Variants in DTNBP1 observed in about 807,000 individuals in gnomAD.
DTNBP1 encodes dysbindin.
Under a neutral mutation model 42.8 loss-of-function variants are expected in DTNBP1, and 35 were observed. The observed-to-expected ratio is 0.82, with a 90% CI of 0.63 to 1.09. The LOEUF is 1.09. DTNBP1 is among the 50% of genes least tolerant of loss of function. The pLI, the probability that DTNBP1 is intolerant of heterozygous loss-of-function variation, is 0.00. For synonymous variants in DTNBP1, 171 were observed against 162.2 expected (o/e 1.05, Z -0.41); for missense variants, 457 against 424.2 (o/e 1.08, Z -0.68).
chr6:15,660,915 A>AT (rs1174900193), intron 1 of DTNBP1, among the ~76,000 whole-genome samples: 1 of 152,206 alleles, frequency 6.6e-6, no homozygotes, highest in Non-Finnish European at 1.5e-5. Flanking sequence ...CAAATGGGCC[A>AT]TTTCAGCATC....
At chr6:15,543,450 C>A (rs1424676516) in intron 7 of DTNBP1, among the ~76,000 whole-genome samples, 1 of 152,162 alleles carries the variant, frequency 6.6e-6, no homozygotes, top group African/African-American at 2.4e-5. Context: ...ACATGCATAG[C>A]CTTGTGTAAG....
intron 7 of DTNBP1, among the ~76,000 whole-genome samples, chr6:15,576,769 TAA>T (rs34473285): frequency 1.3e-4 from 13 of 99,068 alleles, no homozygotes; most frequent in East Asian, 2.9e-4. Context: ...ACTCTGTCTC[TAA>T]AAAAAAAAAA....
chr6:15,626,267 C>T (rs2113735265), intron 5 of DTNBP1, among the ~76,000 whole-genome samples: 1 of 152,280 alleles, frequency 6.6e-6, no homozygotes, highest in African/African-American at 2.4e-5. Flanking sequence ...GTGAGAATTA[C>T]AGATAGTATC....
At chr6:15,540,630 A>G (rs1773501190) in intron 7 of DTNBP1, among the ~76,000 whole-genome samples, 1 of 152,190 alleles carries the variant, frequency 6.6e-6, no homozygotes, top group Non-Finnish European at 1.5e-5. Flanking sequence ...GGGTTAGATT[A>G]GGAAACTTAA....
At chr6:15,652,586 T>C (rs1225826521) in intron 1 of DTNBP1, among the ~76,000 whole-genome samples, 1 of 152,204 alleles carries the variant, frequency 6.6e-6, no homozygotes, top group African/African-American at 2.4e-5. Context: ...ACAACAAATA[T>C]TTGAGTGTTT....
At chr6:15,627,509 C>A in intron 4 of DTNBP1, 34 bp from the exon 5 acceptor site, 1 of 1,612,906 alleles carries the variant, frequency 6.2e-7, no homozygotes, top group Non-Finnish European at 8.5e-7. Flanking sequence ...AAAGTGAAAC[C>A]AGGTTTTAGG....
chr6:15,529,983 C>A (rs555634454), intron 8 of DTNBP1, among the ~76,000 whole-genome samples: 1 of 152,396 alleles, frequency 6.6e-6, no homozygotes, highest in South Asian at 2.1e-4. Context: ...GCCACCTGGC[C>A]TCAGCACCAT....
intron 3 of DTNBP1, 105 bp from the exon 4 acceptor site, chr6:15,637,909 C>G: frequency 1.6e-6 from 2 of 1,243,264 alleles, no homozygotes; most frequent in Admixed American, 1.8e-5. Context: ...AGGAAACACT[C>G]AAAAAATAAT....
At chr6:15,654,283 T>C (rs1178151995) in intron 1 of DTNBP1, among the ~76,000 whole-genome samples, 2 of 152,190 alleles carry the variant, frequency 1.3e-5, no homozygotes, top group Non-Finnish European at 2.9e-5. Flanking sequence ...AAGCAAAACC[T>C]AGGGAAAACA....
At chr6:15,609,745 T>C (rs1012056674) in intron 6 of DTNBP1, among the ~76,000 whole-genome samples, 2 of 152,266 alleles carry the variant, frequency 1.3e-5, no homozygotes, top group South Asian at 2.1e-4. Context: ...TAATTGAATA[T>C]GATTCCTCAG....
At chr6:15,644,499 G>A (rs542341786) in intron 3 of DTNBP1, among the ~76,000 whole-genome samples, 4 of 152,104 alleles carry the variant, frequency 2.6e-5, no homozygotes, top group South Asian at 2.1e-4. Context: ...TCTGTGCATC[G>A]AACAGTCTCT....
intron 7 of DTNBP1, among the ~76,000 whole-genome samples, chr6:15,536,439 G>A (rs1005121250): frequency 1.3e-5 from 2 of 152,220 alleles, no homozygotes; most frequent in East Asian, 1.9e-4. Context: ...AACTACAGCC[G>A]TGGCTAAAAG....
At chr6:15,534,163 G>C (rs1192174999) in intron 7 of DTNBP1, among the ~76,000 whole-genome samples, 1 of 152,210 alleles carries the variant, frequency 6.6e-6, no homozygotes, top group Non-Finnish European at 1.5e-5. Context: ...TGTGCTCTCA[G>C]GGCTGGGGAG....
chr6:15,570,559 G>C (rs1323325867), intron 7 of DTNBP1, among the ~76,000 whole-genome samples: 1 of 152,208 alleles, frequency 6.6e-6, no homozygotes, highest in Non-Finnish European at 1.5e-5. Context: ...CTGGGAACCA[G>C]GGTGAAACTT....
At chr6:15,627,571 C>T in intron 4 of DTNBP1, 96 bp from the exon 5 acceptor site, 1 of 1,526,822 alleles carries the variant, frequency 6.5e-7, no homozygotes, top group Non-Finnish European at 8.9e-7. Context: ...CTTTAACAAC[C>T]CCTCTACTCA....
chr6:15,539,471 T>C (rs1047546059), intron 7 of DTNBP1, among the ~76,000 whole-genome samples: 3 of 152,226 alleles, frequency 2.0e-5, no homozygotes, highest in Admixed American at 6.5e-5. Context: ...AAGCCAGTTC[T>C]GTGTGCGCTC....
intron 5 of DTNBP1, among the ~76,000 whole-genome samples, chr6:15,617,595 G>A (rs999453265): frequency 2.0e-5 from 3 of 151,938 alleles, no homozygotes; most frequent in Admixed American, 6.6e-5. Flanking sequence ...ACCAGTTTTT[G>A]ACAAAGGCAC....
chr6:15,636,983 A>G (rs895727030), intron 4 of DTNBP1, among the ~76,000 whole-genome samples: 29 of 152,214 alleles, frequency 1.9e-4, no homozygotes, highest in Admixed American at 1.8e-3. Context: ...CCTTACTACC[A>G]GAAACCTACA....
intron 3 of DTNBP1, among the ~76,000 whole-genome samples, chr6:15,640,155 T>C (rs1000752948): frequency 2.0e-5 from 3 of 152,204 alleles, no homozygotes; most frequent in Non-Finnish European, 4.4e-5. Flanking sequence ...TCCATTACAA[T>C]GTATGCTATC....
Sources: gnomAD v4.1 joint callset for allele counts (sites outside exome capture counted in the v4.1 genomes callset) on GRCh38, gnomAD v4.1.1 for gene constraint, MANE v1.5 for transcripts, NCBI Gene and HGNC (gene_info 2026-07-23, HGNC 2026-07-21) for gene names.